The following ZSCAN5A variants were observed in gnomAD, a reference collection of about 807,000 sequenced individuals.
ZSCAN5A encodes zinc finger and SCAN domain containing 5A.
A neutral mutation model predicts 23.7 loss-of-function variants in ZSCAN5A; 12 were observed. The ratio of observed to expected loss-of-function variants is 0.51; its 90% CI spans 0.32 to 0.82. The LOEUF (loss-of-function observed/expected upper bound fraction) is 0.82, where lower values mean the gene tolerates loss of function less well. ZSCAN5A is among the 40% of genes least tolerant of loss of function. ZSCAN5A has a pLI of 0.03. For missense variants in ZSCAN5A, 597 were observed against 617.9 expected (o/e 0.97, Z 0.36); for synonymous variants, 257 against 239.9 (o/e 1.07, Z -0.66).
chr19:56,243,042 G>T lies in ZSCAN5A; in HGVS notation c.-127-17869C>A, dbSNP rs536765554. ...GATCCTCCCGTCTTGGCCTCCCAAA[G>T]TGTTGGGACTACAGGCATGAGCCAC... is the stretch of plus-strand genomic sequence containing the variant. On this transcript the variant is annotated intron_variant, in intron 2 of 5. Transcript: ENST00000683990. Among the ~76,000 whole-genome samples, 973 of 152,306 alleles carry T rather than the reference G, an allele frequency of 6.4e-3. 4 individuals carry two copies. Among genetic ancestry groups the T allele is most frequent in the Non-Finnish European group, 9.0e-3 (612 of 68,018 alleles).
At chr19:56,362,019 G>A (rs1241263127) in intron 2 of ZSCAN5A, among the ~76,000 whole-genome samples, 4 of 151,752 alleles carry the variant, frequency 2.6e-5, no homozygotes, top group Non-Finnish European at 5.9e-5. Context: ...TTAGCTGGGC[G>A]GGGTGGCGGG....
intron 2 of ZSCAN5A, among the ~76,000 whole-genome samples, chr19:56,304,256 C>G (rs1301252825): frequency 3.9e-5 from 6 of 152,162 alleles, no homozygotes; most frequent in Non-Finnish European, 8.8e-5. Flanking sequence ...TGCTTATGCG[C>G]TGGGTGTGAG....
chr19:56,302,127 G>A (rs1195544013), intron 2 of ZSCAN5A: 1 of 1,228,146 alleles, frequency 8.1e-7, no homozygotes, highest in East Asian at 3.2e-5. Flanking sequence ...GGGGAGGAGT[G>A]TGAGGAGAGG....
At chr19:56,223,062 G>A (rs142304083) in intron 4 of ZSCAN5A, among the ~76,000 whole-genome samples, 20 of 152,198 alleles carry the variant, frequency 1.3e-4, no homozygotes, top group Middle Eastern at 3.4e-3. Context: ...GACTCTAGTC[G>A]AGGCCCCTCA....
At chr19:56,339,290 G>A (rs1031860758) in intron 2 of ZSCAN5A, among the ~76,000 whole-genome samples, 5 of 151,952 alleles carry the variant, frequency 3.3e-5, no homozygotes, top group South Asian at 2.1e-4. Flanking sequence ...AGCAATATGC[G>A]AAGGAGCGGC....
chr19:56,249,911 G>A (rs2036222658), intron 2 of ZSCAN5A, among the ~76,000 whole-genome samples: 1 of 152,156 alleles, frequency 6.6e-6, no homozygotes, highest in Non-Finnish European at 1.5e-5. Flanking sequence ...CTGGTCTTGG[G>A]AGGGTATTTC....
chr19:56,302,114 G>C, intron 2 of ZSCAN5A: 3 of 1,230,780 alleles, frequency 2.4e-6, no homozygotes, highest in Non-Finnish European at 3.0e-6. Context: ...AAGGCAGCAC[G>C]GAGGGGAGGA....
At chr19:56,319,793 T>C (rs2041356115), upstream of ZSCAN5A, 6 of 775,264 alleles carry the variant, frequency 7.7e-6, no homozygotes, top group South Asian at 5.4e-5. Context: ...CCTGTAACTA[T>C]GGTCCACTGG....
At chr19:56,340,452 T>G (rs1017591744) in intron 2 of ZSCAN5A, among the ~76,000 whole-genome samples, 4 of 152,226 alleles carry the variant, frequency 2.6e-5, no homozygotes, top group Non-Finnish European at 5.9e-5. Context: ...ACAATTCTCT[T>G]GATTCTTCTC....
At chr19:56,325,273 C>G (rs1363414211) in intron 2 of ZSCAN5A, among the ~76,000 whole-genome samples, 2 of 152,186 alleles carry the variant, frequency 1.3e-5, no homozygotes, top group Admixed American at 6.5e-5. Flanking sequence ...GTGTGTGTGT[C>G]TTTTCTTCTC....
chr19:56,302,984 G>A (rs2040445792), intron 2 of ZSCAN5A: 1 of 397,464 alleles, frequency 2.5e-6, no homozygotes, highest in Non-Finnish European at 4.4e-6. Flanking sequence ...TCATGAGCAG[G>A]TGCTAGTGCA....
At chr19:56,341,803 C>G (rs1372024607) in intron 2 of ZSCAN5A, among the ~76,000 whole-genome samples, 1 of 147,604 alleles carries the variant, frequency 6.8e-6, no homozygotes, top group Non-Finnish European at 1.5e-5. Context: ...CTGTTAGCAT[C>G]AGGCAACAAC....
chr19:56,242,455 A>G (rs2035504687), intron 2 of ZSCAN5A, among the ~76,000 whole-genome samples: 1 of 152,046 alleles, frequency 6.6e-6, no homozygotes. Context: ...TGGTGTGTAA[A>G]TATTGTCTCC....
At chr19:56,343,328 T>A in intron 2 of ZSCAN5A, 1 of 624,040 alleles carries the variant, frequency 1.6e-6, no homozygotes, top group Admixed American at 2.0e-5. Flanking sequence ...GTGTGCAAAG[T>A]GAATACCCAA....
chr19:56,245,331 G>T, intron 2 of ZSCAN5A: 1 of 748,636 alleles, frequency 1.3e-6, no homozygotes, highest in Non-Finnish European at 2.5e-6. Flanking sequence ...TCCAGCCAGC[G>T]GGCCTCCTCT....
intron 2 of ZSCAN5A, among the ~76,000 whole-genome samples, chr19:56,333,637 CTT>C (rs2041509130): frequency 6.6e-6 from 1 of 152,018 alleles, no homozygotes; most frequent in Non-Finnish European, 1.5e-5. Context: ...GAGAGCTTCT[CTT>C]AGTAAACAAT....
At chr19:56,297,569 A>T (rs1020616041) in intron 2 of ZSCAN5A, 1 of 973,046 alleles carries the variant, frequency 1.0e-6, no homozygotes, top group African/African-American at 1.8e-5. Context: ...CATCTATAAG[A>T]CAGTGTGTCC....
rs796070786 is a variant in ZSCAN5A, at chr19:56,351,089, G to C, written c.-358+12146C>G. 2.7e-4 allele frequency among the ~76,000 whole-genome samples: 41 copies of C among 152,132 alleles called. No homozygotes were observed. The highest frequency in any genetic ancestry group is 9.9e-4 in the African/African-American group (41 of 41,516). On this transcript the variant is annotated intron_variant, in intron 2 of 6. Coordinates refer to the ZSCAN5A transcript ENST00000587340. The surrounding 1 kb of genome is among the most constrained non-coding windows in gnomAD (Gnocchi z 4.8). The stretch of plus-strand genomic sequence containing the variant: ...CAGTTAGGTTTACTTCTCTTTGAGG[G>C]GGGGATATTACAGGAGTTATTAAGA...
intron 2 of ZSCAN5A, among the ~76,000 whole-genome samples, chr19:56,289,868 C>T (rs1265503271): frequency 6.6e-6 from 1 of 152,182 alleles, no homozygotes; most frequent in Non-Finnish European, 1.5e-5. Flanking sequence ...CCCATCTCAG[C>T]CTGCCAAAGT....
Sources: gnomAD v4.1 joint callset for allele counts (sites outside exome capture counted in the v4.1 genomes callset) on GRCh38, gnomAD v4.1.1 for gene constraint, Gnocchi (gnomAD v3.1) non-coding constraint, MANE v1.5 for transcripts, NCBI Gene and HGNC (gene_info 2026-07-23, HGNC 2026-07-21) for gene names.